Variants in ZFAT observed in about 807,000 individuals in gnomAD.
The protein encoded by ZFAT is zinc finger protein ZFAT.
A neutral mutation model predicts 117.7 loss-of-function variants in ZFAT; 64 were observed. The ratio of observed to expected loss-of-function variants is 0.54; its 90% CI spans 0.44 to 0.67. The LOEUF (loss-of-function observed/expected upper bound fraction) is 0.67, where lower values mean the gene tolerates loss of function less well. Among genes scored for constraint, ZFAT ranks in the 30% least tolerant of loss-of-function variants. The pLI, the probability that ZFAT is intolerant of heterozygous loss-of-function variation, is 0.00. For missense variants in ZFAT, 1,433 were observed against 1,584.5 expected (o/e 0.90, Z 1.62); for synonymous variants, 679 against 615.0 (o/e 1.10, Z -1.54).
intron 11 of ZFAT, among the ~76,000 whole-genome samples, chr8:134,558,284 T>C (rs1235054993): frequency 6.6e-6 from 1 of 152,186 alleles, no homozygotes; most frequent in African/African-American, 2.4e-5. Flanking sequence ...CAGGAATGGC[T>C]TGGCAGGGCT....
At chr8:134,550,834 C>A (rs1823109912) in intron 11 of ZFAT, among the ~76,000 whole-genome samples, 1 of 152,146 alleles carries the variant, frequency 6.6e-6, no homozygotes, top group African/African-American at 2.4e-5. Context: ...TGCCATGCAT[C>A]CCGCTCCCAA....
At chr8:134,529,965 C>A (rs150751782) in intron 12 of ZFAT, among the ~76,000 whole-genome samples, 135 of 152,332 alleles carry the variant, frequency 8.9e-4, no homozygotes, top group African/African-American at 3.1e-3. Flanking sequence ...GATGTGGGAA[C>A]CCTCAGCTCC....
the ZFAT span, among the ~76,000 whole-genome samples, chr8:134,733,654 G>A: frequency 6.6e-6 from 1 of 152,250 alleles, no homozygotes; most frequent in Admixed American, 6.5e-5. Context: ...AGCTAAAGGT[G>A]GTTGCTTGCA....
intron 10 of ZFAT, among the ~76,000 whole-genome samples, chr8:134,573,662 C>T (rs781026691): frequency 2.6e-5 from 4 of 152,206 alleles, no homozygotes; most frequent in Admixed American, 2.0e-4. Flanking sequence ...GATGCAGGCA[C>T]GAAAATGTCA....
At chr8:134,737,133 A>G in the ZFAT span, among the ~76,000 whole-genome samples, 3,602 of 152,150 alleles carry the variant, frequency 0.024, 142 homozygotes, top group African/African-American at 0.082. Flanking sequence ...ATACAAAATT[A>G]GCTGGACGTG....
At chr8:134,678,019 T>A (rs1251077253) in intron 1 of ZFAT, among the ~76,000 whole-genome samples, 1 of 152,188 alleles carries the variant, frequency 6.6e-6, no homozygotes, top group South Asian at 2.1e-4. Flanking sequence ...CTGGAAGCAT[T>A]CCCTTTGAAA....
chr8:134,513,005 AAC>A (rs1273878519), intron 13 of ZFAT, among the ~76,000 whole-genome samples: 1 of 152,144 alleles, frequency 6.6e-6, no homozygotes, highest in Non-Finnish European at 1.5e-5. Context: ...CCATGTGGCC[AAC>A]AGAGGAAGGG....
the ZFAT span, among the ~76,000 whole-genome samples, chr8:134,787,885 ATT>A: frequency 1.3e-5 from 2 of 151,926 alleles, no homozygotes; most frequent in South Asian, 4.1e-4. Context: ...ATCAATTTCT[ATT>A]TGTTTCTGAT....
At chr8:134,579,478 G>T (rs1388088532) in intron 10 of ZFAT, among the ~76,000 whole-genome samples, 1 of 152,120 alleles carries the variant, frequency 6.6e-6, no homozygotes, top group Non-Finnish European at 1.5e-5. Context: ...CCTAGCACGA[G>T]AACAGTATGG....
intron 12 of ZFAT, among the ~76,000 whole-genome samples, chr8:134,532,279 T>C (rs554199808): frequency 1.3e-5 from 2 of 152,364 alleles, no homozygotes; most frequent in Non-Finnish European, 2.9e-5. Context: ...TAAATATTTT[T>C]AGATATTCCA....
chr8:134,822,045 A>G, the ZFAT span, among the ~76,000 whole-genome samples: 1 of 152,096 alleles, frequency 6.6e-6, no homozygotes, highest in African/African-American at 2.4e-5. Flanking sequence ...TATAGAGAAA[A>G]CCGGTTTAAT....
intron 1 of ZFAT, chr8:134,673,528 G>A: frequency 4.9e-6 from 1 of 205,406 alleles, no homozygotes; most frequent in Admixed American, 4.6e-5. Context: ...CCTTATTCTT[G>A]TACTTTTCTT....
chr8:134,567,445 T>TACCA (rs1297121237), intron 10 of ZFAT, among the ~76,000 whole-genome samples: 1 of 142,952 alleles, frequency 7.0e-6, no homozygotes, highest in Non-Finnish European at 1.5e-5. Flanking sequence ...CATAAAACCC[T>TACCA]ACCAACCATC....
chr8:134,727,869 C>A, the ZFAT span, among the ~76,000 whole-genome samples: 19 of 152,252 alleles, frequency 1.2e-4, no homozygotes, highest in African/African-American at 4.3e-4. Flanking sequence ...AGATTTGCCC[C>A]CTAGGTTATA....
intron 13 of ZFAT, among the ~76,000 whole-genome samples, chr8:134,516,247 T>C (rs967589516): frequency 2.1e-4 from 32 of 152,324 alleles, no homozygotes; most frequent in African/African-American, 7.0e-4. Flanking sequence ...GGTCACTGGA[T>C]ACAAATACAA....
At chr8:134,754,471 A>C in the ZFAT span, among the ~76,000 whole-genome samples, 1 of 152,226 alleles carries the variant, frequency 6.6e-6, no homozygotes, top group East Asian at 1.9e-4. Flanking sequence ...TGGGAATATA[A>C]ACATGGGCTG....
intron 13 of ZFAT, among the ~76,000 whole-genome samples, chr8:134,513,921 AGAAG>A (rs1240740756): frequency 2.6e-5 from 4 of 152,270 alleles, no homozygotes; most frequent in Non-Finnish European, 5.9e-5. Flanking sequence ...ATGAACAAAA[AGAAG>A]AACATTTTGT....
At chr8:134,533,396 A>G (rs1176387157) in intron 11 of ZFAT, among the ~76,000 whole-genome samples, 4 of 152,222 alleles carry the variant, frequency 2.6e-5, no homozygotes, top group Admixed American at 1.3e-4. Context: ...ACTCAACTAC[A>G]GACTGCAAAC....
chr8:134,767,034 A>C, the ZFAT span: 1 of 152,170 alleles, frequency 6.6e-6, no homozygotes, highest in Non-Finnish European at 1.5e-5. Flanking sequence ...AAACAATACC[A>C]CAAGTTACTC....
Sources: allele counts gnomAD v4.1 joint callset (sites outside exome capture counted in the v4.1 genomes callset), GRCh38; gene constraint gnomAD v4.1.1; transcripts MANE v1.5; gene names NCBI Gene and HGNC (gene_info 2026-07-23, HGNC 2026-07-21).